Variants in PLCB4 observed in about 807,000 individuals in gnomAD.
The protein encoded by PLCB4 is 1-phosphatidylinositol 4,5-bisphosphate phosphodiesterase beta-4.
A neutral mutation model predicts 178.8 loss-of-function variants in PLCB4; 77 were observed. The ratio of observed to expected loss-of-function variants is 0.43; its 90% CI spans 0.36 to 0.52. PLCB4 has a LOEUF of 0.52. PLCB4 is among the 20% of genes least tolerant of loss of function. The pLI is 0.00. For missense variants in PLCB4, 1,024 were observed against 1,453.4 expected, an observed-to-expected ratio of 0.70 and a Z score of 4.80; for synonymous variants, 496 against 490.8, an observed-to-expected ratio of 1.01 and a Z score of -0.14.
intron 3 of PLCB4, among the ~76,000 whole-genome samples, chr20:9,263,060 A>G (rs1212970049): frequency 2.0e-5 from 3 of 152,086 alleles, no homozygotes; most frequent in South Asian, 2.1e-4. Context: ...AGATATTTAC[A>G]TGCCTATTTC....
chr20:9,400,291 AC>A (rs2038928038), intron 19 of PLCB4, among the ~76,000 whole-genome samples: 1 of 152,222 alleles, frequency 6.6e-6, no homozygotes, highest in African/African-American at 2.4e-5. Flanking sequence ...GTTGAAAGAT[AC>A]CACTGTTTTA....
chr20:9,346,633 T>C (rs1303157149), intron 7 of PLCB4, among the ~76,000 whole-genome samples: 1 of 152,184 alleles, frequency 6.6e-6, no homozygotes, highest in Non-Finnish European at 1.5e-5. Context: ...TGTTAATTGT[T>C]TTTCTTGAAG....
At chr20:9,270,120 CCTGT>C (rs1568498511) in intron 3 of PLCB4, among the ~76,000 whole-genome samples, 1 of 152,084 alleles carries the variant, frequency 6.6e-6, no homozygotes, top group East Asian at 1.9e-4. Flanking sequence ...AGAGAAACTA[CCTGT>C]CTATGACAGC....
At position 9,353,356 on chromosome 20, in the gene PLCB4, A is replaced by G. The variant is rs78812096; in HGVS notation, c.370-9540A>G. On this transcript the variant is annotated intron_variant, in intron 7 of 39. Coordinates refer to ENST00000378473, the MANE Select transcript of PLCB4 (RefSeq NM_001377142.1). ...TCATGGTGAATTGCCCTCTTGTCCC[A>G]TGGGCATGTGGGCGTTTCCAACACT... Among the ~76,000 whole-genome samples, 849 of 152,256 alleles carry G rather than the reference A, an allele frequency of 5.6e-3. 3 individuals carry two copies. Among genetic ancestry groups the G allele is most frequent in the African/African-American group, 0.019 (804 of 41,546 alleles).
At chr20:9,310,235 T>A (rs1348053978) in intron 4 of PLCB4, among the ~76,000 whole-genome samples, 3 of 152,110 alleles carry the variant, frequency 2.0e-5, no homozygotes, top group Non-Finnish European at 4.4e-5. Context: ...CCATGAGGGA[T>A]TACAGCTGAA....
chr20:9,234,903 T>C (rs2093976535), intron 3 of PLCB4, among the ~76,000 whole-genome samples: 1 of 152,198 alleles, frequency 6.6e-6, no homozygotes, highest in Non-Finnish European at 1.5e-5. Context: ...TTTGTCCTCA[T>C]GCATTTAAAG....
At chr20:9,315,078 A>G (rs2094883901) in intron 4 of PLCB4, among the ~76,000 whole-genome samples, 1 of 152,082 alleles carries the variant, frequency 6.6e-6, no homozygotes, top group Non-Finnish European at 1.5e-5. Context: ...AACCCCGTCT[A>G]CATAAACAGA....
intron 32 of PLCB4, among the ~76,000 whole-genome samples, chr20:9,445,648 C>T (rs1602793979): frequency 1.3e-5 from 2 of 152,204 alleles, no homozygotes; most frequent in African/African-American, 4.8e-5. Flanking sequence ...ACAGTCACTT[C>T]ACTTCAAAGA....
At chr20:9,090,113 A>C (rs1432204124) in intron 1 of PLCB4, among the ~76,000 whole-genome samples, 1 of 152,104 alleles carries the variant, frequency 6.6e-6, no homozygotes, top group African/African-American at 2.4e-5. Flanking sequence ...TTTGTTATGA[A>C]GCCTGTTTTT....
intron 1 of PLCB4, among the ~76,000 whole-genome samples, chr20:9,080,970 A>G (rs1287954948): frequency 2.0e-5 from 3 of 152,096 alleles, no homozygotes; most frequent in East Asian, 3.9e-4. Context: ...ACTTTTCTCC[A>G]TTCCTATTGC....
At chr20:9,351,808 A>G (rs6140922) in intron 7 of PLCB4, among the ~76,000 whole-genome samples, 1 of 152,172 alleles carries the variant, frequency 6.6e-6, no homozygotes, top group Non-Finnish European at 1.5e-5. Flanking sequence ...CTAAGCAGGT[A>G]TGATTGTCAT....
chr20:9,251,637 C>CT (rs1344876401), intron 3 of PLCB4, among the ~76,000 whole-genome samples: 6 of 152,022 alleles, frequency 3.9e-5, no homozygotes, highest in African/African-American at 1.4e-4. Context: ...ATGTGGCTCC[C>CT]TTTTTTTACT....
chr20:9,128,607 A>G (rs1027216697), intron 2 of PLCB4, among the ~76,000 whole-genome samples: 1 of 151,934 alleles, frequency 6.6e-6, no homozygotes, highest in Non-Finnish European at 1.5e-5. Flanking sequence ...CTGGTCTCCA[A>G]CTCTTGACCT....
intron 4 of PLCB4, among the ~76,000 whole-genome samples, chr20:9,320,877 T>TG (rs1158294315): frequency 6.6e-6 from 1 of 152,206 alleles, no homozygotes; most frequent in East Asian, 1.9e-4. Context: ...TCAGAAACTC[T>TG]GGGGGGAGGG....
intron 4 of PLCB4, among the ~76,000 whole-genome samples, chr20:9,311,082 T>A (rs1231058939): frequency 6.6e-6 from 1 of 152,226 alleles, no homozygotes; most frequent in Admixed American, 6.5e-5. Context: ...GCAGTGTTTT[T>A]AAAAATACAT....
intron 26 of PLCB4, 69 bp downstream of exon 26, chr20:9,419,978 A>C: frequency 1.1e-6 from 1 of 933,542 alleles, no homozygotes; most frequent in Non-Finnish European, 1.7e-6. Flanking sequence ...AAATTATAAA[A>C]TATTGAATGT....
At chr20:9,158,127 A>T (rs2092821121) in intron 2 of PLCB4, among the ~76,000 whole-genome samples, 1 of 152,198 alleles carries the variant, frequency 6.6e-6, no homozygotes, top group Non-Finnish European at 1.5e-5. Context: ...GGAAGTTTCA[A>T]AGCTAGGATT....
At chr20:9,351,709 A>T (rs2034363309) in intron 7 of PLCB4, among the ~76,000 whole-genome samples, 1 of 152,172 alleles carries the variant, frequency 6.6e-6, no homozygotes, top group African/African-American at 2.4e-5. Flanking sequence ...AGAATTACCT[A>T]TAGATTTGAT....
chr20:9,087,753 C>T (rs2090498907), intron 1 of PLCB4, among the ~76,000 whole-genome samples: 1 of 152,212 alleles, frequency 6.6e-6, no homozygotes, highest in Admixed American at 6.5e-5. Context: ...CCAGTTCTTT[C>T]TCATACACAC....
Sources: gnomAD v4.1 joint callset for allele counts (sites outside exome capture counted in the v4.1 genomes callset) on GRCh38, gnomAD v4.1.1 for gene constraint, MANE v1.5 for transcripts, NCBI Gene and HGNC (gene_info 2026-07-23, HGNC 2026-07-21) for gene names.